Variants in CDS1 observed in about 807,000 individuals in gnomAD.
The protein encoded by CDS1 is phosphatidate cytidylyltransferase 1.
CDS1 carries 41 observed loss-of-function variants against 62.1 expected under a neutral mutation model. That is an observed-to-expected ratio of 0.66 (90% CI 0.51 to 0.86). CDS1 has a LOEUF of 0.86. CDS1 is among the 40% of genes least tolerant of loss of function. The pLI, the probability that CDS1 is intolerant of heterozygous loss-of-function variation, is 0.00. For missense variants in CDS1, 470 were observed against 550.1 expected (o/e 0.85, Z 1.46); for synonymous variants, 185 against 192.6 (o/e 0.96, Z 0.32).
intron 10 of CDS1, among the ~76,000 whole-genome samples, chr4:84,641,317 C>T (rs1724378277): frequency 6.6e-6 from 1 of 152,154 alleles, no homozygotes; most frequent in Non-Finnish European, 1.5e-5. Context: ...CCGCCTGCTT[C>T]GGCTTCCCAA....
At chr4:84,599,385 C>A (rs1353299655) in intron 1 of CDS1, among the ~76,000 whole-genome samples, 2 of 108,982 alleles carry the variant, frequency 1.8e-5, no homozygotes, top group African/African-American at 6.9e-5. Context: ...TATAATTTGG[C>A]AAATTTTGAC....
chr4:84,612,819 C>A (rs940235260), intron 3 of CDS1, among the ~76,000 whole-genome samples: 4 of 151,812 alleles, frequency 2.6e-5, no homozygotes, highest in Admixed American at 6.6e-5. Flanking sequence ...GAAACCTCGT[C>A]TCTTTTAAAA....
chr4:84,640,701 A>C, intron 9 of CDS1, 137 bp from the exon 10 acceptor site: 1 of 684,990 alleles, frequency 1.5e-6, no homozygotes, highest in Non-Finnish European at 2.1e-6. Context: ...AATACATAGC[A>C]AAATATTAAG....
At chr4:84,599,423 T>C (rs1372199270) in intron 1 of CDS1, among the ~76,000 whole-genome samples, 62 of 20,252 alleles carry the variant, frequency 3.1e-3, no homozygotes, top group African/African-American at 7.7e-3. Context: ...TATATATATA[T>C]ATATATATAT....
At chr4:84,592,313 A>G (rs1176463249) in intron 1 of CDS1, among the ~76,000 whole-genome samples, 2 of 151,900 alleles carry the variant, frequency 1.3e-5, no homozygotes, top group African/African-American at 4.8e-5. Context: ...CTGGGATTAC[A>G]GGCACGCAGC....
intron 12 of CDS1, among the ~76,000 whole-genome samples, chr4:84,647,845 T>C (rs1347960949): frequency 3.9e-5 from 6 of 152,198 alleles, no homozygotes; most frequent in Non-Finnish European, 7.4e-5. Context: ...GAACAATCTT[T>C]ACTGTAAGGC....
chr4:84,605,280 T>G (rs1237057438), intron 2 of CDS1, among the ~76,000 whole-genome samples: 1 of 152,182 alleles, frequency 6.6e-6, no homozygotes, highest in Non-Finnish European at 1.5e-5. Context: ...CCCATTACTG[T>G]GTAATACCCT....
chr4:84,642,767 C>T lies in CDS1; in HGVS notation c.1033-257C>T, dbSNP rs1724426387. Among the ~76,000 whole-genome samples, 4 of 152,142 alleles carry T rather than the reference C, an allele frequency of 2.6e-5. No homozygotes were observed. The South Asian group carries it at 8.3e-4, about 32-fold the overall frequency. On this transcript the variant is annotated intron_variant, in intron 10 of 12. Coordinates refer to ENST00000295887, the MANE Select transcript of CDS1 (RefSeq NM_001263.4). ...CCTAGACAACCTGGAAGGTAGACTA[C>T]CACGCTGCAAGATTTCAGTGTGCCA...
Position 84,650,377 on chromosome 4 carries a change from G to A in CDS1, c.*1691G>A, listed in dbSNP as rs1038688313. ...ACTGGAAATGTTATTATAGGAGGCA[G>A]TGATCGCATTTAAAATCAGGCCACC... On this transcript the variant is annotated 3_prime_UTR_variant, in exon 13 of 13. Transcript: ENST00000295887. The A allele has an allele frequency of 3.9e-5, 6 of 152,172 alleles. No homozygotes were observed. The highest frequency in any genetic ancestry group is 1.4e-4 in the African/African-American group (6 of 41,432). 9.4% of individuals were successfully genotyped at this position (152,172 alleles called of 1,614,324 possible). A position where few individuals can be genotyped will look rare whatever the true frequency, so the allele number is the denominator to read the frequency against.
At chr4:84,639,134 G>A (rs953252690) in intron 9 of CDS1, 142 bp downstream of exon 9, 2 of 342,944 alleles carry the variant, frequency 5.8e-6, no homozygotes, top group Admixed American at 4.8e-5. Flanking sequence ...AACCAGTTCT[G>A]TACCTCAGCA....
intron 3 of CDS1, among the ~76,000 whole-genome samples, chr4:84,615,042 G>C (rs1723444888): frequency 3.3e-5 from 5 of 152,288 alleles, no homozygotes; most frequent in Admixed American, 3.3e-4. Context: ...AATTCGTGGA[G>C]CAGGTGCTGT....
intron 6 of CDS1, among the ~76,000 whole-genome samples, chr4:84,632,395 T>A (rs1724049712): frequency 6.6e-6 from 1 of 152,214 alleles, no homozygotes; most frequent in South Asian, 2.1e-4. Context: ...CATATGAACT[T>A]TTTTTATTTT....
At chr4:84,603,628 G>A (rs569672801) in intron 1 of CDS1, among the ~76,000 whole-genome samples, 20 of 152,212 alleles carry the variant, frequency 1.3e-4, no homozygotes, top group African/African-American at 3.9e-4. Context: ...ACATACTCAC[G>A]CAGCTCCTGT....
chr4:84,622,508 G>A (rs1723720141), intron 5 of CDS1, among the ~76,000 whole-genome samples: 1 of 152,156 alleles, frequency 6.6e-6, no homozygotes, highest in Non-Finnish European at 1.5e-5. Flanking sequence ...CAAGAGAATC[G>A]CTGTAACCTG....
intron 11 of CDS1, 23 bp downstream of exon 11, chr4:84,643,166 A>G (rs752632890): frequency 3.1e-6 from 5 of 1,607,140 alleles, no homozygotes; most frequent in Non-Finnish European, 3.4e-6. Flanking sequence ...ATTCTTTGTT[A>G]TATTATTAGA....
chr4:84,621,673 C>T (rs35928242), intron 5 of CDS1, among the ~76,000 whole-genome samples: 51,515 of 152,042 alleles, frequency 0.34, 8,945 homozygotes, highest in East Asian at 0.49. Flanking sequence ...GGGATCCTTC[C>T]GCCTTGGCCT....
At position 84,583,442 on chromosome 4, in the gene CDS1, G is replaced by C; in HGVS notation, c.41G>C (p.Arg14Thr). The C allele has an allele frequency of 2.5e-6, 4 of 1,592,770 alleles. No homozygotes were observed. The highest frequency in any genetic ancestry group is 1.7e-6 in the Non-Finnish European group (2 of 1,170,926). Residue 14 changes from arginine to threonine, a missense_variant, in exon 1 of 13, where the codon AGG becomes ACG. Coordinates refer to ENST00000295887, the MANE Select transcript of CDS1 (RefSeq NM_001263.4). Reference protein sequence around the residue: ...LRHRGSCPGPREAVSPPHREG... With the variant: ...LRHRGSCPGPTEAVSPPHREG... The stretch of plus-strand genomic sequence containing the variant: ...CACCGGGGAAGCTGCCCCGGCCCCA[G>C]GGAAGCGGTGTCGCCGCCACACCGC...
intron 12 of CDS1, among the ~76,000 whole-genome samples, chr4:84,648,141 G>A (rs1313898892): frequency 6.6e-6 from 1 of 152,086 alleles, no homozygotes; most frequent in Non-Finnish European, 1.5e-5. Context: ...AAGTTTCTTG[G>A]AAGTTAAAAA....
At chr4:84,602,070 T>C (rs1377990396) in intron 1 of CDS1, among the ~76,000 whole-genome samples, 1 of 152,174 alleles carries the variant, frequency 6.6e-6, no homozygotes, top group African/African-American at 2.4e-5. Context: ...CACACTCTTA[T>C]TTTCCTTTTC....
Sources: allele counts gnomAD v4.1 joint callset (sites outside exome capture counted in the v4.1 genomes callset), GRCh38; gene constraint gnomAD v4.1.1; transcripts MANE v1.5; gene names NCBI Gene and HGNC (gene_info 2026-07-23, HGNC 2026-07-21).